Variants in TRAPPC8 observed in about 807,000 individuals in gnomAD.
TRAPPC8 encodes trafficking protein particle complex subunit 8, also known as general sporulation gene 1 homolog.
Under a neutral mutation model 174.3 loss-of-function variants are expected in TRAPPC8, and 54 were observed. That is an observed-to-expected ratio of 0.31 (90% CI 0.25 to 0.39). TRAPPC8 has a LOEUF of 0.39. TRAPPC8 is among the 10% of genes least tolerant of loss of function. TRAPPC8 has a pLI of 1.00. For missense variants in TRAPPC8, 1,531 were observed against 1,699.1 expected, an observed-to-expected ratio of 0.90 and a Z score of 1.74; for synonymous variants, 630 against 579.9, an observed-to-expected ratio of 1.09 and a Z score of -1.24.
intron 1 of TRAPPC8, among the ~76,000 whole-genome samples, chr18:31,934,254 T>G (rs2037982230): frequency 6.6e-6 from 1 of 151,226 alleles, no homozygotes; most frequent in Non-Finnish European, 1.5e-5. Context: ...GAAAAGAGAC[T>G]AAGATAAGGT....
At chr18:31,864,237 G>C (rs2034478905) in intron 19 of TRAPPC8, among the ~76,000 whole-genome samples, 1 of 151,620 alleles carries the variant, frequency 6.6e-6, no homozygotes, top group Non-Finnish European at 1.5e-5. Flanking sequence ...GGGATAAGAA[G>C]GTGAAGATAG....
chr18:31,918,831 T>C (rs538993096), intron 2 of TRAPPC8, among the ~76,000 whole-genome samples: 1 of 152,348 alleles, frequency 6.6e-6, no homozygotes, highest in African/African-American at 2.4e-5. Context: ...TTCTTTTTAT[T>C]TGAACTTACG....
chr18:31,900,507 A>T (rs1311903563), intron 10 of TRAPPC8, among the ~76,000 whole-genome samples: 1 of 152,170 alleles, frequency 6.6e-6, no homozygotes, highest in Non-Finnish European at 1.5e-5. Context: ...TCCCCTGACC[A>T]CTGGGGACCA....
At chr18:31,910,874 G>A (rs1403362537) in intron 5 of TRAPPC8, among the ~76,000 whole-genome samples, 2 of 151,984 alleles carry the variant, frequency 1.3e-5, no homozygotes, top group East Asian at 3.9e-4. Context: ...ACTCTAAAGT[G>A]TATTTTTTTC....
At chr18:31,906,652 A>G (rs1256048140) in intron 9 of TRAPPC8, among the ~76,000 whole-genome samples, 1 of 152,226 alleles carries the variant, frequency 6.6e-6, no homozygotes, top group Non-Finnish European at 1.5e-5. Context: ...CAGATTACAC[A>G]TATATCTGTG....
chr18:31,834,077 G>A (rs916150574), intron 27 of TRAPPC8, among the ~76,000 whole-genome samples: 9 of 142,246 alleles, frequency 6.3e-5, no homozygotes, highest in Admixed American at 1.4e-4. Context: ...CCTGGTCTGG[G>A]ATCACATTTT....
At chr18:31,867,988 C>A (rs911648621) in intron 16 of TRAPPC8, among the ~76,000 whole-genome samples, 3 of 152,078 alleles carry the variant, frequency 2.0e-5, no homozygotes, top group African/African-American at 4.8e-5. Flanking sequence ...TTTAATCTTA[C>A]AATAATAGCA....
intron 1 of TRAPPC8, among the ~76,000 whole-genome samples, chr18:31,935,116 G>A (rs1464342274): frequency 1.3e-4 from 20 of 151,660 alleles, no homozygotes; most frequent in Admixed American, 5.3e-4. Flanking sequence ...AGGCCTTGGC[G>A]GGCGGATCAC....
chr18:31,931,460 T>C lies in TRAPPC8; in HGVS notation c.221A>G (p.Asn74Ser), dbSNP rs34292533. 1.9e-3 allele frequency: 2,992 copies of C among 1,612,994 alleles called. 52 individuals carry two copies. The African/African-American group carries it at 0.034, about 18-fold the overall frequency. Residue 74 changes from asparagine to serine, a missense_variant, in exon 2 of 29, where the codon AAC (asparagine) becomes AGC (serine). Coordinates refer to ENST00000283351, the MANE Select transcript of TRAPPC8 (RefSeq NM_014939.5). ...VIKNLKIAVS[N>S]IVTQPPQPGA... is the part of the protein sequence containing the mutation. The stretch of plus-strand genomic sequence containing the variant: ...AGGCTGAGGTGGCTGGGTGACAATG[T>C]TGCTTACTGCTATCTTCAAATTTTT...
intron 9 of TRAPPC8, among the ~76,000 whole-genome samples, chr18:31,903,528 T>C (rs1200645567): frequency 6.6e-6 from 1 of 152,176 alleles, no homozygotes; most frequent in African/African-American, 2.4e-5. Context: ...AGACCAATGA[T>C]GGATCACAAA....
intron 25 of TRAPPC8, 131 bp downstream of exon 25, chr18:31,849,435 C>A: frequency 1.3e-6 from 1 of 781,182 alleles, no homozygotes. Flanking sequence ...AAATATGTAA[C>A]TGTTAAAGTT....
chr18:31,886,344 G>GA lies in TRAPPC8; in HGVS notation c.1728+4390_1728+4391insT, dbSNP rs1568092404. Among the ~76,000 whole-genome samples the GA allele has an allele frequency of 7.2e-4, 51 of 71,228 alleles. 4 individuals carry two copies. The highest frequency in any genetic ancestry group is 1.5e-3 in the African/African-American group (29 of 18,830). 46.7% of individuals were successfully genotyped at this position (71,228 alleles called of 152,430 possible). On this transcript the variant is annotated intron_variant, in intron 12 of 28. Coordinates refer to ENST00000283351, the MANE Select transcript of TRAPPC8 (RefSeq NM_014939.5). ...TTAATTTTTAAGTGATGTTTCTTGAGGAAAAAAAAAAAAAAAAAAAAAGGC... is the reference window on the plus strand; with the variant it reads ...TTAATTTTTAAGTGATGTTTCTTGAGAGAAAAAAAAAAAAAAAAAAAAAGGC...
At chr18:31,839,570 T>C (rs2032974736) in intron 26 of TRAPPC8, 113 bp from the exon 27 acceptor site, 1 of 940,184 alleles carries the variant, frequency 1.1e-6, no homozygotes, top group South Asian at 2.6e-5. Flanking sequence ...ATGTAATGCA[T>C]GAACAGTACT....
At chr18:31,937,460 T>C (rs2038156028) in intron 1 of TRAPPC8, 1 of 150,650 alleles carries the variant, frequency 6.6e-6, no homozygotes, top group African/African-American at 2.4e-5. Flanking sequence ...AGCCAGAAGG[T>C]TGAGGCTATA....
intron 4 of TRAPPC8, among the ~76,000 whole-genome samples, chr18:31,915,962 CA>C (rs2037126176): frequency 6.8e-6 from 1 of 147,076 alleles, no homozygotes; most frequent in Admixed American, 6.9e-5. Flanking sequence ...GAGGCTGAGG[CA>C]GGAGAATTGC....
chr18:31,921,528 A>C (rs993018068), intron 2 of TRAPPC8, among the ~76,000 whole-genome samples: 3 of 151,704 alleles, frequency 2.0e-5, no homozygotes, highest in South Asian at 4.2e-4. Context: ...AGGCAAGAGA[A>C]TCACTTGAAC....
At chr18:31,856,099 CTTCT>C (rs1240679893) in intron 20 of TRAPPC8, among the ~76,000 whole-genome samples, 5 of 151,400 alleles carry the variant, frequency 3.3e-5, no homozygotes, top group African/African-American at 1.2e-4. Context: ...TCTGATTGTG[CTTCT>C]TTCTCTCTCT....
intron 26 of TRAPPC8, among the ~76,000 whole-genome samples, chr18:31,845,898 T>G (rs947482890): frequency 6.6e-6 from 1 of 152,194 alleles, no homozygotes; most frequent in African/African-American, 2.4e-5. Flanking sequence ...TCTATTCATA[T>G]TTACTATGAA....
intron 11 of TRAPPC8, among the ~76,000 whole-genome samples, chr18:31,893,862 T>TACACACAC (rs562007322): frequency 6.6e-6 from 1 of 152,018 alleles, no homozygotes; most frequent in African/African-American, 2.4e-5. Context: ...TAAAATAATA[T>TACACACAC]ACACACACAC....
Sources: allele counts gnomAD v4.1 joint callset (sites outside exome capture counted in the v4.1 genomes callset), GRCh38; gene constraint gnomAD v4.1.1; transcripts MANE v1.5; gene names NCBI Gene and HGNC (gene_info 2026-07-23, HGNC 2026-07-21).